The following PCDH15 variants were observed in gnomAD, a reference collection of about 807,000 sequenced individuals.
PCDH15 encodes the protein protocadherin-15.
In PCDH15, 129 loss-of-function variants were observed where a neutral mutation model predicts 178.5. The observed-to-expected ratio is 0.72, with a 90% CI of 0.63 to 0.84. The LOEUF (loss-of-function observed/expected upper bound fraction) is 0.84, where lower values mean the gene tolerates loss of function less well. Ranked by LOEUF, PCDH15 falls within the 40% of genes least tolerant of loss-of-function variation. PCDH15 has a pLI of 0.00. For missense variants in PCDH15, 2,230 were observed against 2,099.9 expected (o/e 1.06, Z -1.21); for synonymous variants, 800 against 732.0 (o/e 1.09, Z -1.50).
intron 2 of PCDH15, among the ~76,000 whole-genome samples, chr10:55,035,233 A>T (rs562016788): frequency 6.6e-6 from 1 of 152,210 alleles, no homozygotes; most frequent in Admixed American, 6.5e-5. Context: ...ATAATTAAAA[A>T]ATAAATTATA....
intron 8 of PCDH15, among the ~76,000 whole-genome samples, chr10:54,241,395 A>G (rs984291558): frequency 6.6e-6 from 1 of 152,156 alleles, no homozygotes; most frequent in Non-Finnish European, 1.5e-5. Context: ...ATGTTCCTCT[A>G]TTTTATTACA....
chr10:53,966,310 A>G (rs1319953554), intron 21 of PCDH15, among the ~76,000 whole-genome samples: 2 of 152,172 alleles, frequency 1.3e-5, no homozygotes, highest in Non-Finnish European at 2.9e-5. Flanking sequence ...ACATATTATG[A>G]TAACTATACT....
intron 1 of PCDH15, among the ~76,000 whole-genome samples, chr10:55,236,267 T>C (rs1398372757): frequency 1.3e-5 from 2 of 152,030 alleles, no homozygotes; most frequent in African/African-American, 4.8e-5. Context: ...CTTGCTCTAA[T>C]TGTACTGGAA....
chr10:55,181,487 C>T lies in PCDH15; in HGVS notation c.-155-14836G>A, dbSNP rs74572457. On this transcript the variant is annotated intron_variant, in intron 1 of 5. Coordinates refer to the PCDH15 transcript ENST00000458638. ...TTGGCACCTTGATCCACAATTATGC[C>T]AGGTAGTACATCATCTTCATTTAAG... Among the ~76,000 whole-genome samples, 110 of 151,956 alleles carry T rather than the reference C, an allele frequency of 7.2e-4. 1 individual carries two copies. In the East Asian group the frequency reaches 0.016, roughly 22 times the overall value.
chr10:54,539,966 G>A (rs968980884), intron 2 of PCDH15, among the ~76,000 whole-genome samples: 5 of 152,038 alleles, frequency 3.3e-5, no homozygotes, highest in African/African-American at 9.7e-5. Flanking sequence ...AGAAAGACAC[G>A]CAAAATACCA....
At chr10:55,317,737 A>G (rs554664967) in intron 1 of PCDH15, among the ~76,000 whole-genome samples, 98 of 152,204 alleles carry the variant, frequency 6.4e-4, no homozygotes, top group African/African-American at 2.2e-3. Context: ...AAAACAGAAT[A>G]GAAAATCCTC....
At chr10:54,541,956 T>G (rs1165781695) in intron 2 of PCDH15, among the ~76,000 whole-genome samples, 3 of 152,162 alleles carry the variant, frequency 2.0e-5, no homozygotes, top group African/African-American at 7.2e-5. Context: ...ATAAAATTCT[T>G]TGCCACAAGA....
chr10:54,059,969 A>G (rs1911381), intron 18 of PCDH15, among the ~76,000 whole-genome samples: 93,990 of 152,108 alleles, frequency 0.62, 29,373 homozygotes, highest in Middle Eastern at 0.76. Context: ...TTTCAATGCA[A>G]GCTCCACATA....
intron 8 of PCDH15, among the ~76,000 whole-genome samples, chr10:54,309,353 AC>A (rs2060757164): frequency 7.2e-6 from 1 of 139,390 alleles, no homozygotes; most frequent in South Asian, 2.2e-4. Context: ...ACACACACAC[AC>A]ACTTCACATA....
chr10:54,946,575 A>G (rs551224594), intron 2 of PCDH15, among the ~76,000 whole-genome samples: 160 of 151,996 alleles, frequency 1.1e-3, no homozygotes, highest in African/African-American at 2.1e-3. Flanking sequence ...GTGACCATAC[A>G]TTAGGAAACA....
chr10:55,565,997 T>G (rs1164147170), intron 2 of PCDH15, among the ~76,000 whole-genome samples: 1 of 151,712 alleles, frequency 6.6e-6, no homozygotes, highest in African/African-American at 2.4e-5. Flanking sequence ...AAGACATCAT[T>G]ACCCTAATAC....
At chr10:55,533,073 G>A (rs1461322368) in intron 2 of PCDH15, among the ~76,000 whole-genome samples, 4 of 146,696 alleles carry the variant, frequency 2.7e-5, no homozygotes, top group Non-Finnish European at 4.5e-5. Flanking sequence ...AAAGTAAAAC[G>A]TCCCTCAAAT....
chr10:54,615,922 G>C (rs2093129560), intron 2 of PCDH15, among the ~76,000 whole-genome samples: 1 of 151,938 alleles, frequency 6.6e-6, no homozygotes, highest in Non-Finnish European at 1.5e-5. Flanking sequence ...AATGTCAGTG[G>C]CATCACAGGG....
At chr10:54,192,311 C>A (rs532206460) in intron 11 of PCDH15, among the ~76,000 whole-genome samples, 20 of 151,818 alleles carry the variant, frequency 1.3e-4, no homozygotes, top group African/African-American at 4.3e-4. Context: ...AATGGCCCTG[C>A]AGAAGATAGA....
intron 2 of PCDH15, among the ~76,000 whole-genome samples, chr10:55,122,257 A>G (rs1298368893): frequency 6.6e-6 from 1 of 152,126 alleles, no homozygotes. Flanking sequence ...ACACTCAGGT[A>G]TTTGGTTTAA....
At chr10:54,431,294 G>T (rs912616964) in intron 3 of PCDH15, among the ~76,000 whole-genome samples, 2 of 149,586 alleles carry the variant, frequency 1.3e-5, no homozygotes, top group African/African-American at 5.1e-5. Flanking sequence ...ATCAGACAAA[G>T]ACATAAAAAA....
intron 1 of PCDH15, among the ~76,000 whole-genome samples, chr10:54,753,244 C>A (rs1233810184): frequency 6.6e-6 from 1 of 152,024 alleles, no homozygotes; most frequent in Non-Finnish European, 1.5e-5. Flanking sequence ...GGGGCAGTGG[C>A]CTGATCTCTG....
At chr10:54,626,152 GC>G in intron 2 of PCDH15, among the ~76,000 whole-genome samples, 1 of 152,286 alleles carries the variant, frequency 6.6e-6, no homozygotes, top group South Asian at 2.1e-4. Flanking sequence ...TGATTTGGGT[GC>G]TGTTAAAGGC....
intron 29 of PCDH15, among the ~76,000 whole-genome samples, chr10:53,838,218 A>G (rs1056579810): frequency 2.6e-5 from 4 of 151,724 alleles, no homozygotes; most frequent in African/African-American, 9.7e-5. Context: ...CTCGTGATCC[A>G]CCCACCTCGG....
Sources: gnomAD v4.1 joint callset for allele counts (sites outside exome capture counted in the v4.1 genomes callset) on GRCh38, gnomAD v4.1.1 for gene constraint, MANE v1.5 for transcripts, NCBI Gene and HGNC (gene_info 2026-07-23, HGNC 2026-07-21) for gene names.